SGCZ: variants seen among roughly 807,000 people sequenced by gnomAD.
SGCZ encodes the protein sarcoglycan zeta.
Under a neutral mutation model 41.3 loss-of-function variants are expected in SGCZ, and 40 were observed. The ratio of observed to expected loss-of-function variants is 0.97; its 90% CI spans 0.75 to 1.26. The LOEUF is 1.26. SGCZ is among the 50% of genes most tolerant of loss of function. SGCZ has a pLI of 0.00. For missense variants in SGCZ, 552 were observed against 369.8 expected, an observed-to-expected ratio of 1.49 and a Z score of -4.04; for synonymous variants, 206 against 137.5, an observed-to-expected ratio of 1.50 and a Z score of -3.49.
chr8:15,129,729 C>T (rs1322607606), intron 1 of SGCZ, among the ~76,000 whole-genome samples: 1 of 62,900 alleles, frequency 1.6e-5, no homozygotes, highest in Non-Finnish European at 3.9e-5. Flanking sequence ...AAAAAAATCA[C>T]AGTTCTTCCT....
chr8:14,630,926 C>T (rs941232676), intron 1 of SGCZ, among the ~76,000 whole-genome samples: 7 of 151,352 alleles, frequency 4.6e-5, no homozygotes, highest in South Asian at 2.1e-4. Context: ...ATGTAAATGA[C>T]GAGTTAACGG....
intron 2 of SGCZ, among the ~76,000 whole-genome samples, chr8:14,503,755 A>C (rs1467288157): frequency 6.6e-6 from 1 of 152,182 alleles, no homozygotes; most frequent in Non-Finnish European, 1.5e-5. Context: ...TGACAGAGCA[A>C]GACTCCATCT....
At chr8:14,738,112 G>A (rs1799099593) in intron 1 of SGCZ, among the ~76,000 whole-genome samples, 1 of 152,156 alleles carries the variant, frequency 6.6e-6, no homozygotes, top group South Asian at 2.1e-4. Context: ...CTCTTGAGAC[G>A]ACCTCATCTT....
At chr8:14,924,940 C>T (rs962772244) in intron 1 of SGCZ, among the ~76,000 whole-genome samples, 2 of 150,476 alleles carry the variant, frequency 1.3e-5, no homozygotes, top group Admixed American at 6.6e-5. Context: ...TCACTGCAAC[C>T]TCTGCCTTTT....
At chr8:14,373,245 G>A (rs1184226467) in intron 2 of SGCZ, among the ~76,000 whole-genome samples, 3 of 152,098 alleles carry the variant, frequency 2.0e-5, no homozygotes, top group Non-Finnish European at 4.4e-5. Flanking sequence ...AAAGACCGTT[G>A]GCATTCACTA....
intron 1 of SGCZ, among the ~76,000 whole-genome samples, chr8:14,803,726 C>T (rs1031663230): frequency 6.6e-6 from 1 of 151,550 alleles, no homozygotes. Context: ...TGGAGCCCAC[C>T]ACAGCTCAAG....
chr8:14,359,922 C>T (rs190736879), intron 2 of SGCZ, among the ~76,000 whole-genome samples: 20 of 151,976 alleles, frequency 1.3e-4, no homozygotes, highest in Admixed American at 1.2e-3. Context: ...TCATCATGAC[C>T]CATTGGGATT....
At chr8:14,337,547 GT>G (rs1390999861) in intron 2 of SGCZ, among the ~76,000 whole-genome samples, 1 of 152,182 alleles carries the variant, frequency 6.6e-6, no homozygotes, top group Non-Finnish European at 1.5e-5. Flanking sequence ...TATGGGAAAA[GT>G]GATGACCCAG....
At chr8:14,871,621 C>A (rs1318780095) in intron 1 of SGCZ, among the ~76,000 whole-genome samples, 1 of 151,792 alleles carries the variant, frequency 6.6e-6, no homozygotes, top group Admixed American at 6.6e-5. Flanking sequence ...CTGGCCAACA[C>A]AGTGAAACCC....
At chr8:14,494,897 A>T (rs1443619294) in intron 2 of SGCZ, among the ~76,000 whole-genome samples, 1 of 152,210 alleles carries the variant, frequency 6.6e-6, no homozygotes, top group Non-Finnish European at 1.5e-5. Context: ...TATGTTAGGC[A>T]TGAGAAGGTA....
chr8:14,400,250 T>A (rs546086849), intron 2 of SGCZ, among the ~76,000 whole-genome samples: 3 of 152,156 alleles, frequency 2.0e-5, no homozygotes, highest in Admixed American at 1.3e-4. Flanking sequence ...AGATTTTATT[T>A]ATCCATTCAT....
At chr8:14,737,008 C>A (rs1464828657) in intron 1 of SGCZ, among the ~76,000 whole-genome samples, 1 of 150,840 alleles carries the variant, frequency 6.6e-6, no homozygotes. Context: ...GATAAAGAAA[C>A]TCTGGTATAT....
chr8:14,479,002 C>A (rs1801444119), intron 2 of SGCZ, among the ~76,000 whole-genome samples: 1 of 152,160 alleles, frequency 6.6e-6, no homozygotes, highest in African/African-American at 2.4e-5. Flanking sequence ...GTGACTAGGT[C>A]CTGTCTCCTG....
At chr8:14,263,617 C>A (rs570541033) in intron 3 of SGCZ, among the ~76,000 whole-genome samples, 1 of 151,982 alleles carries the variant, frequency 6.6e-6, no homozygotes, top group Non-Finnish European at 1.5e-5. Context: ...AAAGAAGAGG[C>A]AGAGCAAAAT....
At chr8:14,286,538 C>A (rs368373849) in intron 3 of SGCZ, among the ~76,000 whole-genome samples, 66 of 152,192 alleles carry the variant, frequency 4.3e-4, no homozygotes, top group African/African-American at 1.5e-3. Context: ...TAAATGACAG[C>A]AGTAGTTTAT....
chr8:15,186,262 C>CAAAAAAAAAAAAAAAAAAA (rs61237091), intron 1 of SGCZ, among the ~76,000 whole-genome samples: 5 of 80,718 alleles, frequency 6.2e-5, no homozygotes, highest in East Asian at 3.1e-4. Context: ...GATTCCGTAC[C>CAAAAAAAAAAAAAAAAAAA]AAAAAAAAAA....
At chr8:14,095,722 T>G (rs1801823162) in intron 7 of SGCZ, among the ~76,000 whole-genome samples, 1 of 152,198 alleles carries the variant, frequency 6.6e-6, no homozygotes, top group South Asian at 2.1e-4. Flanking sequence ...ATAATGTTTC[T>G]TCTTATCCAT....
intron 3 of SGCZ, among the ~76,000 whole-genome samples, chr8:14,291,070 A>C (rs888277440): frequency 5.9e-5 from 9 of 152,112 alleles, no homozygotes; most frequent in South Asian, 2.1e-4. Flanking sequence ...ATTAAGTAAA[A>C]TAAGCCAGGC....
intron 1 of SGCZ, among the ~76,000 whole-genome samples, chr8:15,116,588 G>A (rs115232315): frequency 2.0e-5 from 3 of 152,114 alleles, no homozygotes; most frequent in Admixed American, 2.0e-4. Flanking sequence ...GATACTGGCA[G>A]GACAGAAGGC....
Sources: allele counts gnomAD v4.1 joint callset (sites outside exome capture counted in the v4.1 genomes callset), GRCh38; gene constraint gnomAD v4.1.1; transcripts MANE v1.5; gene names NCBI Gene and HGNC (gene_info 2026-07-23, HGNC 2026-07-21).